The following SV2C variants were observed in gnomAD, a reference collection of about 807,000 sequenced individuals.
SV2C encodes solute carrier family 22 member B3.
In SV2C, 49 loss-of-function variants were observed where a neutral mutation model predicts 79.7. The observed-to-expected ratio is 0.61, with a 90% CI of 0.49 to 0.78. SV2C has a LOEUF of 0.78. Among genes scored for constraint, SV2C ranks in the 30% least tolerant of loss-of-function variants. SV2C has a pLI of 0.00. For missense variants in SV2C, 833 were observed against 912.9 expected, an observed-to-expected ratio of 0.91 and a Z score of 1.13; for synonymous variants, 334 against 333.2, an observed-to-expected ratio of 1.00 and a Z score of -0.03.
At chr5:76,032,254 TTTA>T in the SV2C span, among the ~76,000 whole-genome samples, 4 of 152,114 alleles carry the variant, frequency 2.6e-5, no homozygotes, top group Non-Finnish European at 4.4e-5. Context: ...ATAATCTTTT[TTTA>T]TTATTATTAT....
At chr5:76,157,681 A>T (rs1742773984) in intron 2 of SV2C, among the ~76,000 whole-genome samples, 1 of 151,826 alleles carries the variant, frequency 6.6e-6, no homozygotes, top group Non-Finnish European at 1.5e-5. Context: ...TAAGAAAATG[A>T]CTCTAGTGGT....
At chr5:76,108,707 C>G (rs1287595441) in intron 1 of SV2C, among the ~76,000 whole-genome samples, 1 of 152,130 alleles carries the variant, frequency 6.6e-6, no homozygotes. Flanking sequence ...TGGTTTCAAG[C>G]TAAAGCCTTA....
At chr5:76,072,271 T>A in the SV2C span, among the ~76,000 whole-genome samples, 1 of 152,212 alleles carries the variant, frequency 6.6e-6, no homozygotes, top group South Asian at 2.1e-4. Flanking sequence ...GAAAAATTAA[T>A]TAAATGTGTG....
chr5:76,031,458 A>G, the SV2C span, among the ~76,000 whole-genome samples: 1 of 152,128 alleles, frequency 6.6e-6, no homozygotes, highest in Non-Finnish European at 1.5e-5. Flanking sequence ...TGTTACCTTG[A>G]TCCACTCGGT....
At chr5:75,914,744 A>G in the SV2C span, among the ~76,000 whole-genome samples, 2 of 152,210 alleles carry the variant, frequency 1.3e-5, no homozygotes, top group Non-Finnish European at 2.9e-5. Flanking sequence ...TCAACATGTA[A>G]TGAGTGGTTT....
At chr5:76,178,122 A>G (rs1287181269) in intron 2 of SV2C, among the ~76,000 whole-genome samples, 1 of 152,210 alleles carries the variant, frequency 6.6e-6, no homozygotes, top group Non-Finnish European at 1.5e-5. Context: ...AGATGTACAG[A>G]TGGGGCCTCA....
At chr5:76,166,184 TG>T (rs771020823) in intron 2 of SV2C, among the ~76,000 whole-genome samples, 1 of 152,212 alleles carries the variant, frequency 6.6e-6, no homozygotes, top group Non-Finnish European at 1.5e-5. Flanking sequence ...AAAAGTTTTA[TG>T]CATTTTTTCA....
chr5:75,998,592 T>C, the SV2C span, among the ~76,000 whole-genome samples: 5 of 152,036 alleles, frequency 3.3e-5, no homozygotes, highest in South Asian at 2.1e-4. Context: ...GCCCTTACTC[T>C]TCAGAACATG....
the SV2C span, among the ~76,000 whole-genome samples, chr5:75,954,370 ATAGT>A: frequency 1.3e-5 from 2 of 151,982 alleles, no homozygotes; most frequent in African/African-American, 2.4e-5. Flanking sequence ...CTTGTCATAG[ATAGT>A]TCTTATTATT....
At chr5:76,156,192 A>G (rs1424479980) in intron 2 of SV2C, among the ~76,000 whole-genome samples, 1 of 152,128 alleles carries the variant, frequency 6.6e-6, no homozygotes, top group African/African-American at 2.4e-5. Context: ...ACCCATAGCA[A>G]TCAACCTTCA....
chr5:75,976,178 A>T, the SV2C span, among the ~76,000 whole-genome samples: 2 of 152,208 alleles, frequency 1.3e-5, no homozygotes, highest in Non-Finnish European at 2.9e-5. Context: ...GTTCAAAAGC[A>T]CTGTATCAAT....
At chr5:76,023,307 A>G in the SV2C span, among the ~76,000 whole-genome samples, 63 of 152,278 alleles carry the variant, frequency 4.1e-4, no homozygotes, top group Admixed American at 4.6e-4. Context: ...ACCCCGTGGG[A>G]TGAGATACTT....
In SV2C at chr5:76,331,317, G is replaced by C. The variant is rs1749179389; in HGVS notation, c.*5770G>C. ...CACTCCCCTGGTCTGTGCCTCCCAG[G>C]GTGTTTCCTTTCTGATTTTGAAGAT... On this transcript the variant is annotated 3_prime_UTR_variant, in exon 13 of 13. Coordinates refer to ENST00000502798, the MANE Select transcript of SV2C (RefSeq NM_014979.4). 1 of 152,210 alleles carries C rather than the reference G, an allele frequency of 6.6e-6. No homozygotes were observed. The highest frequency in any genetic ancestry group is 2.4e-5 in the African/African-American group (1 of 41,396). 9.4% of individuals were successfully genotyped at this position (152,210 alleles called of 1,614,324 possible). A position where few individuals can be genotyped will look rare whatever the true frequency, so the allele number is the denominator to read the frequency against.
At chr5:76,073,809 G>A in the SV2C span, among the ~76,000 whole-genome samples, 7 of 152,024 alleles carry the variant, frequency 4.6e-5, 1 homozygote, top group Admixed American at 2.0e-4. Flanking sequence ...CACACTGCTC[G>A]CGTGATGGGT....
intron 12 of SV2C, among the ~76,000 whole-genome samples, chr5:76,320,603 A>C (rs1315838941): frequency 6.6e-6 from 1 of 152,196 alleles, no homozygotes; most frequent in Non-Finnish European, 1.5e-5. Context: ...TCTAAAAAAC[A>C]GCAAAAAGAC....
chr5:76,239,229 G>A (rs543695436), intron 4 of SV2C, among the ~76,000 whole-genome samples: 9 of 151,962 alleles, frequency 5.9e-5, no homozygotes, highest in Non-Finnish European at 1.2e-4. Flanking sequence ...CTTTGTTCTT[G>A]TTCTTTATTC....
intron 12 of SV2C, among the ~76,000 whole-genome samples, chr5:76,306,566 C>A (rs2972843): frequency 0.098 from 14,917 of 152,206 alleles, 774 homozygotes; most frequent in Admixed American, 0.14. Flanking sequence ...TCCCTAAAAC[C>A]TTAGCTGCTA....
At chr5:76,060,436 G>C in the SV2C span, among the ~76,000 whole-genome samples, 1 of 152,092 alleles carries the variant, frequency 6.6e-6, no homozygotes, top group Non-Finnish European at 1.5e-5. Context: ...ACTTTTACTT[G>C]CACTTTTGTG....
chr5:76,171,482 A>G (rs1743245893), intron 2 of SV2C, among the ~76,000 whole-genome samples: 1 of 118,148 alleles, frequency 8.5e-6, no homozygotes, highest in African/African-American at 3.0e-5. Context: ...CCGTCTGAGA[A>G]GTGAGGAGAC....
Sources: gnomAD v4.1 joint callset for allele counts (sites outside exome capture counted in the v4.1 genomes callset) on GRCh38, gnomAD v4.1.1 for gene constraint, MANE v1.5 for transcripts, NCBI Gene and HGNC (gene_info 2026-07-23, HGNC 2026-07-21) for gene names.